CTNNA2: variants seen among roughly 807,000 people sequenced by gnomAD.
CTNNA2 encodes the protein catenin alpha-2.
In CTNNA2, 42 loss-of-function variants were observed where a neutral mutation model predicts 101.0. The observed-to-expected ratio is 0.42, with a 90% CI of 0.32 to 0.54. The LOEUF (loss-of-function observed/expected upper bound fraction) is 0.54. CTNNA2 is among the 20% of genes least tolerant of loss of function. The pLI, the probability that CTNNA2 is intolerant of heterozygous loss-of-function variation, is 0.14. For missense variants in CTNNA2, 871 were observed against 1,223.1 expected (o/e 0.71, Z 4.29); for synonymous variants, 450 against 456.4 (o/e 0.99, Z 0.18).
At position 80,034,088 on chromosome 2, in the gene CTNNA2, G is replaced by A. The variant is rs1478593661; in HGVS notation, c.1056+124291G>A. ...AAAATCCATTAATCATTAAAGGAAA[G>A]GATAAATCCAACCATATGAAAATAA... On this transcript the variant is annotated intron_variant, in intron 7 of 18. Transcript: ENST00000402739. Among the ~76,000 whole-genome samples, 3 of 150,836 alleles carry A rather than the reference G, an allele frequency of 2.0e-5. No individual in the cohort carries two copies. The East Asian group carries it at 5.8e-4, about 29-fold the overall frequency.
chr2:80,107,064 C>T (rs891367549), intron 7 of CTNNA2, among the ~76,000 whole-genome samples: 2 of 152,056 alleles, frequency 1.3e-5, no homozygotes, highest in African/African-American at 4.8e-5. Context: ...CCAACAGTGC[C>T]CTGTTGATAG....
At chr2:80,254,390 A>G (rs1182400274) in intron 7 of CTNNA2, among the ~76,000 whole-genome samples, 1 of 152,190 alleles carries the variant, frequency 6.6e-6, no homozygotes, top group Non-Finnish European at 1.5e-5. Context: ...TGTAGAAAAA[A>G]TAAGAAAGAA....
chr2:79,880,664 T>C (rs1683358864), intron 6 of CTNNA2, among the ~76,000 whole-genome samples: 1 of 152,030 alleles, frequency 6.6e-6, no homozygotes, highest in South Asian at 2.1e-4. Context: ...AATGGTGATA[T>C]CTCCTTTATA....
chr2:80,491,852 C>G (rs1559153608), intron 9 of CTNNA2, among the ~76,000 whole-genome samples: 1 of 152,176 alleles, frequency 6.6e-6, no homozygotes. Context: ...ACTGCAGGAT[C>G]TGGTTTTGTT....
intron 9 of CTNNA2, among the ~76,000 whole-genome samples, chr2:80,517,373 G>A (rs550237102): frequency 3.3e-5 from 5 of 152,154 alleles, no homozygotes; most frequent in Non-Finnish European, 7.4e-5. Context: ...CACTGCAAAG[G>A]GTGCCTTGCT....
chr2:80,410,538 T>C (rs964645663), intron 8 of CTNNA2, among the ~76,000 whole-genome samples: 1 of 152,264 alleles, frequency 6.6e-6, no homozygotes, highest in African/African-American at 2.4e-5. Flanking sequence ...ACGAATGATT[T>C]TGTCAAGTCA....
At chr2:80,426,678 T>A (rs1221345910) in intron 9 of CTNNA2, among the ~76,000 whole-genome samples, 1 of 152,098 alleles carries the variant, frequency 6.6e-6, no homozygotes, top group African/African-American at 2.4e-5. Flanking sequence ...TAAAGAAGCT[T>A]ACGTGGCTTT....
intron 1 of CTNNA2, among the ~76,000 whole-genome samples, chr2:79,577,050 C>G (rs890166087): frequency 2.6e-5 from 4 of 152,052 alleles, no homozygotes; most frequent in African/African-American, 9.7e-5. Context: ...TTTGATCTAT[C>G]TAGCAGTTGA....
intron 7 of CTNNA2, among the ~76,000 whole-genome samples, chr2:80,197,942 G>A (rs1706938019): frequency 6.6e-6 from 1 of 152,062 alleles, no homozygotes; most frequent in African/African-American, 2.4e-5. Context: ...CTTACAATGT[G>A]AATAGACTCA....
intron 9 of CTNNA2, among the ~76,000 whole-genome samples, chr2:80,506,414 G>A (rs1035199448): frequency 2.0e-5 from 3 of 152,154 alleles, no homozygotes; most frequent in African/African-American, 7.2e-5. Flanking sequence ...ATTCAGAGCT[G>A]TTGGAGGCTG....
chr2:80,080,742 C>CT (rs1699082384), intron 7 of CTNNA2, among the ~76,000 whole-genome samples: 1 of 152,012 alleles, frequency 6.6e-6, no homozygotes, highest in Admixed American at 6.6e-5. Context: ...CCCCAGTGAC[C>CT]TTTGTTTTAA....
chr2:79,603,700 T>C (rs1677698524), intron 1 of CTNNA2, among the ~76,000 whole-genome samples: 1 of 152,198 alleles, frequency 6.6e-6, no homozygotes, highest in African/African-American at 2.4e-5. Context: ...AAGTACATTT[T>C]AAGAGCAACT....
At chr2:79,263,776 G>A (rs192017153) in intron 2 of CTNNA2, among the ~76,000 whole-genome samples, 12 of 152,248 alleles carry the variant, frequency 7.9e-5, no homozygotes, top group Non-Finnish European at 1.6e-4. Context: ...GCCATGTTAT[G>A]AAGCAGCAGG....
intron 18 of CTNNA2, among the ~76,000 whole-genome samples, chr2:80,645,478 G>T (rs1273672348): frequency 6.6e-6 from 1 of 152,160 alleles, no homozygotes; most frequent in Non-Finnish European, 1.5e-5. Flanking sequence ...CATCAAGACA[G>T]TCTTTAGGTT....
chr2:79,210,784 C>G (rs558033090), intron 2 of CTNNA2, among the ~76,000 whole-genome samples: 1 of 152,202 alleles, frequency 6.6e-6, no homozygotes, highest in South Asian at 2.1e-4. Context: ...TGAGGACATG[C>G]AATGTTTTTC....
intron 2 of CTNNA2, chr2:79,687,584 A>G (rs1162363635): frequency 2.8e-6 from 2 of 706,384 alleles, no homozygotes; most frequent in Non-Finnish European, 2.6e-6. Context: ...TTTCCACCGG[A>G]TATTTCAAAT....
chr2:80,305,140 C>T, intron 7 of CTNNA2: 1 of 985,356 alleles, frequency 1.0e-6, no homozygotes, highest in Non-Finnish European at 1.2e-6. Flanking sequence ...TGAGAGAAGA[C>T]ACAGGAAGGC....
intron 7 of CTNNA2, among the ~76,000 whole-genome samples, chr2:80,290,341 G>C (rs1410315995): frequency 1.3e-5 from 2 of 152,000 alleles, no homozygotes; most frequent in African/African-American, 4.8e-5. Flanking sequence ...AATAGTCTCA[G>C]TCCTGGTTTT....
At chr2:79,782,008 A>C (rs886245688) in intron 3 of CTNNA2, among the ~76,000 whole-genome samples, 1 of 152,220 alleles carries the variant, frequency 6.6e-6, no homozygotes, top group African/African-American at 2.4e-5. Flanking sequence ...TACTCTGTTT[A>C]GTTTAAATGG....
Sources: allele counts gnomAD v4.1 joint callset (sites outside exome capture counted in the v4.1 genomes callset), GRCh38; gene constraint gnomAD v4.1.1; transcripts MANE v1.5; gene names NCBI Gene and HGNC (gene_info 2026-07-23, HGNC 2026-07-21).